SPMAP2: variants seen among roughly 807,000 people sequenced by gnomAD.
SPMAP2 encodes sperm microtubule associated protein 2.
the SPMAP2 span, among the ~76,000 whole-genome samples, chr19:365,011 G>C: frequency 6.6e-6 from 1 of 152,240 alleles, no homozygotes; most frequent in Non-Finnish European, 1.5e-5. Context: ...CTGGCTCTGT[G>C]AAGAGGCTCC....
chr19:375,850 G>A, the SPMAP2 span: 44 of 1,600,878 alleles, frequency 2.7e-5, no homozygotes, highest in Admixed American at 5.2e-5. Flanking sequence ...TCTGTGACCC[G>A]CCGGCTCTCG....
At chr19:366,012 G>A in the SPMAP2 span, among the ~76,000 whole-genome samples, 1 of 152,036 alleles carries the variant, frequency 6.6e-6, no homozygotes, top group Admixed American at 6.6e-5. Flanking sequence ...GTGATGGCAG[G>A]CTCCCGTAGT....
chr19:372,736 G>A, the SPMAP2 span: 1 of 1,604,670 alleles, frequency 6.2e-7, no homozygotes, highest in Non-Finnish European at 8.5e-7. Context: ...GTGAACCCCA[G>A]TGTCAACACC....
At chr19:369,024 G>C in the SPMAP2 span, among the ~76,000 whole-genome samples, 1 of 152,208 alleles carries the variant, frequency 6.6e-6, no homozygotes, top group South Asian at 2.1e-4. Context: ...CGGAACCACT[G>C]TTCACTTTTT....
At chr19:370,802 G>A in the SPMAP2 span, among the ~76,000 whole-genome samples, 5,643 of 152,292 alleles carry the variant, frequency 0.037, 161 homozygotes, top group Admixed American at 0.074. Context: ...AGGGCGGGGG[G>A]CGGCAGAAGC....
chr19:374,539 G>A, the SPMAP2 span: 9,590 of 1,409,910 alleles, frequency 6.8e-3, 48 homozygotes, highest in Non-Finnish European at 8.0e-3. Flanking sequence ...CTGCCCACCC[G>A]CCTCTCCTTT....
chr19:371,370 G>T, the SPMAP2 span: 2 of 263,184 alleles, frequency 7.6e-6, no homozygotes, highest in Non-Finnish European at 6.0e-6. Flanking sequence ...GGGGGTGGGG[G>T]TGTGTGTGTG....
the SPMAP2 span, chr19:371,363 G>C: frequency 1.0e-6 from 1 of 999,650 alleles, no homozygotes; most frequent in Non-Finnish European, 1.4e-6. Flanking sequence ...CTCGGCCGGG[G>C]GTGGGGGTGT....
At chr19:373,957 C>G in the SPMAP2 span, 1 of 1,613,638 alleles carries the variant, frequency 6.2e-7, no homozygotes. Flanking sequence ...GACAGAAGTG[C>G]AAGCTCATCT....
the SPMAP2 span, among the ~76,000 whole-genome samples, chr19:370,067 C>A: frequency 6.6e-6 from 1 of 152,116 alleles, no homozygotes; most frequent in African/African-American, 2.4e-5. Flanking sequence ...ACCTGGGCTC[C>A]CACTCCCGGC....
the SPMAP2 span, among the ~76,000 whole-genome samples, chr19:374,902 G>A: frequency 1.3e-5 from 2 of 152,226 alleles, no homozygotes; most frequent in East Asian, 3.8e-4. Context: ...TATCTGCCCT[G>A]TCCTTGCTTG....
At chr19:375,210 C>A in the SPMAP2 span, among the ~76,000 whole-genome samples, 1 of 152,198 alleles carries the variant, frequency 6.6e-6, no homozygotes, top group Non-Finnish European at 1.5e-5. Flanking sequence ...AGCGTCAGTT[C>A]ACCCAGAACG....
At chr19:375,783 T>G in the SPMAP2 span, 1 of 1,609,814 alleles carries the variant, frequency 6.2e-7, no homozygotes, top group Non-Finnish European at 8.5e-7. Context: ...GGGGGGAAGC[T>G]CCTCTTCTGG....
At chr19:365,633 C>T in the SPMAP2 span, among the ~76,000 whole-genome samples, 1 of 137,320 alleles carries the variant, frequency 7.3e-6, no homozygotes, top group East Asian at 2.3e-4. Context: ...CAAGTGCGAG[C>T]ACACACAGCC....
chr19:375,774 G>T, the SPMAP2 span: 49 of 1,610,182 alleles, frequency 3.0e-5, no homozygotes, highest in Middle Eastern at 6.6e-4. Context: ...CACCTCCTCG[G>T]GGGGAAGCTC....
At chr19:375,531 C>G in the SPMAP2 span, 1 of 1,029,030 alleles carries the variant, frequency 9.7e-7, no homozygotes, top group South Asian at 1.8e-5. Context: ...CCGGGCCCCT[C>G]GGGAGCAGCG....
At chr19:370,541 A>G in the SPMAP2 span, among the ~76,000 whole-genome samples, 14 of 149,908 alleles carry the variant, frequency 9.3e-5, no homozygotes, top group East Asian at 7.9e-4. Context: ...TAGTAGAGAC[A>G]GGGTTTCACC....
At chr19:364,732 C>T in the SPMAP2 span, among the ~76,000 whole-genome samples, 1 of 152,116 alleles carries the variant, frequency 6.6e-6, no homozygotes, top group East Asian at 1.9e-4. Flanking sequence ...CCCTCAGGCA[C>T]TCGTGGCCCC....
At chr19:374,467 G>T in the SPMAP2 span, 1 of 1,612,224 alleles carries the variant, frequency 6.2e-7, no homozygotes, top group South Asian at 1.1e-5. Context: ...TTCCCGCCCC[G>T]ATGCGTTTGG....
Sources: allele counts gnomAD v4.1 joint callset (sites outside exome capture counted in the v4.1 genomes callset), GRCh38; gene constraint gnomAD v4.1.1; transcripts MANE v1.5; gene names NCBI Gene and HGNC (gene_info 2026-07-23, HGNC 2026-07-21).